RPS6KC1: variants seen among roughly 807,000 people sequenced by gnomAD.
RPS6KC1 encodes inactive ribosomal protein S6 kinase delta-1.
RPS6KC1 carries 54 observed loss-of-function variants against 103.8 expected under a neutral mutation model. The ratio of observed to expected loss-of-function variants is 0.52; its 90% CI spans 0.42 to 0.65. The LOEUF (loss-of-function observed/expected upper bound fraction) is 0.65. RPS6KC1 is among the 30% of genes least tolerant of loss of function. The pLI is 0.00. For missense variants in RPS6KC1, 1,151 were observed against 1,253.8 expected (o/e 0.92, Z 1.24); for synonymous variants, 439 against 438.7 (o/e 1.00, Z -0.01).
At chr1:213,829,268 CAAAAAAAAAAAA>C in the RPS6KC1 span, among the ~76,000 whole-genome samples, 1 of 114,378 alleles carries the variant, frequency 8.7e-6, no homozygotes, top group Non-Finnish European at 1.7e-5. Flanking sequence ...TCGTTTGTTT[CAAAAAAAAAAAA>C]AAAAAAAAGC....
chr1:213,054,478 C>T (rs1362818235), intron 1 of RPS6KC1, among the ~76,000 whole-genome samples: 1 of 152,120 alleles, frequency 6.6e-6, no homozygotes, highest in African/African-American at 2.4e-5. Flanking sequence ...GGATAATTAA[C>T]CAGGTAAATA....
chr1:213,409,900 C>T, the RPS6KC1 span, among the ~76,000 whole-genome samples: 146 of 152,318 alleles, frequency 9.6e-4, 1 homozygote, highest in African/African-American at 3.3e-3. Context: ...CAGTGGCTCA[C>T]GCCTGTAATC....
At chr1:213,331,753 A>G in the RPS6KC1 span, among the ~76,000 whole-genome samples, 1 of 152,180 alleles carries the variant, frequency 6.6e-6, no homozygotes, top group Non-Finnish European at 1.5e-5. Flanking sequence ...TGAAGAGGCC[A>G]GGGTCCTTTT....
At chr1:213,534,945 A>G in the RPS6KC1 span, among the ~76,000 whole-genome samples, 43 of 152,222 alleles carry the variant, frequency 2.8e-4, no homozygotes, top group African/African-American at 1.0e-3. Context: ...ATCATGGTTA[A>G]TCCTACGATT....
intron 8 of RPS6KC1, among the ~76,000 whole-genome samples, chr1:213,192,457 G>A (rs2092783253): frequency 6.6e-6 from 1 of 152,160 alleles, no homozygotes. Flanking sequence ...TAGGACTGGT[G>A]TTCTTTAAAT....
At chr1:213,096,982 T>C (rs569361173) in intron 3 of RPS6KC1, among the ~76,000 whole-genome samples, 3 of 152,330 alleles carry the variant, frequency 2.0e-5, no homozygotes, top group African/African-American at 7.2e-5. Flanking sequence ...TTGTGTTAGC[T>C]GGCATGAAAA....
the RPS6KC1 span, among the ~76,000 whole-genome samples, chr1:213,591,218 T>C: frequency 2.6e-5 from 4 of 151,574 alleles, no homozygotes; most frequent in Non-Finnish European, 4.4e-5. Context: ...CTGAGCATAT[T>C]CTTCTCTGCC....
chr1:213,754,805 G>A, the RPS6KC1 span, among the ~76,000 whole-genome samples: 14 of 152,146 alleles, frequency 9.2e-5, no homozygotes, highest in Admixed American at 9.2e-4. Flanking sequence ...CTATCCCATT[G>A]GGCATCAGGG....
At chr1:213,382,012 C>T in the RPS6KC1 span, among the ~76,000 whole-genome samples, 6 of 152,160 alleles carry the variant, frequency 3.9e-5, no homozygotes, top group African/African-American at 1.4e-4. Flanking sequence ...GGCACAGAGG[C>T]GAGTGTGCAC....
At chr1:213,693,571 T>C in the RPS6KC1 span, among the ~76,000 whole-genome samples, 2 of 152,150 alleles carry the variant, frequency 1.3e-5, no homozygotes, top group Admixed American at 6.5e-5. Context: ...GAAACAACAC[T>C]GAGTGGTCAC....
Position 213,272,549 on chromosome 1 carries a change from G to T in RPS6KC1, c.3116G>T (p.Arg1039Leu). 6.2e-7 allele frequency: 1 copy of T among 1,613,928 alleles called. No individual in the cohort carries two copies. The highest frequency in any genetic ancestry group is 1.1e-5 in the South Asian group (1 of 91,040). The change falls in exon 15 of 15, where the codon CGA becomes CTA. Residue 1039 changes from arginine (R) to leucine (L), a missense_variant. Coordinates refer to ENST00000366960, the MANE Select transcript of RPS6KC1 (RefSeq NM_012424.6). ...QQLLQFNPLE[R>L]LGAGVAGVED... ...CTCTTGCAGTTCAATCCTCTGGAAC[G>T]ACTTGGTGCTGGAGTTGCTGGTGTT...
At chr1:213,092,185 C>T (rs2081029733) in intron 3 of RPS6KC1, among the ~76,000 whole-genome samples, 1 of 151,920 alleles carries the variant, frequency 6.6e-6, no homozygotes, top group African/African-American at 2.4e-5. Context: ...CCTGAAAGGC[C>T]CTGCAGGGAT....
At chr1:213,110,962 G>A (rs962479546) in intron 4 of RPS6KC1, among the ~76,000 whole-genome samples, 1 of 145,012 alleles carries the variant, frequency 6.9e-6, no homozygotes, top group Admixed American at 6.9e-5. Flanking sequence ...TTTTTTTTCT[G>A]TGCTTCAATC....
the RPS6KC1 span, among the ~76,000 whole-genome samples, chr1:213,830,077 T>G: frequency 1.3e-5 from 2 of 152,202 alleles, no homozygotes; most frequent in African/African-American, 4.8e-5. Flanking sequence ...AATTAGAGAC[T>G]AATGAATTCA....
the RPS6KC1 span, among the ~76,000 whole-genome samples, chr1:213,372,236 C>T: frequency 5.3e-5 from 8 of 152,134 alleles, no homozygotes; most frequent in East Asian, 1.9e-4. Context: ...CCACTTGGGC[C>T]GCGGCCTCCA....
intron 14 of RPS6KC1, among the ~76,000 whole-genome samples, chr1:213,265,354 T>C (rs1408557090): frequency 6.6e-6 from 1 of 152,226 alleles, no homozygotes; most frequent in African/African-American, 2.4e-5. Flanking sequence ...AAAGTCAAAA[T>C]ATGAACCTTT....
intron 8 of RPS6KC1, among the ~76,000 whole-genome samples, chr1:213,188,848 A>T (rs552406492): frequency 2.8e-3 from 421 of 149,134 alleles, no homozygotes; most frequent in East Asian, 8.9e-3. Context: ...TTTTTTTTTT[A>T]AATGTAAATA....
At chr1:213,285,865 G>A in the RPS6KC1 span, among the ~76,000 whole-genome samples, 1 of 152,178 alleles carries the variant, frequency 6.6e-6, no homozygotes, top group African/African-American at 2.4e-5. Context: ...CACCATGTGA[G>A]GATGCAGCAA....
chr1:213,743,591 C>A, the RPS6KC1 span, among the ~76,000 whole-genome samples: 1 of 152,170 alleles, frequency 6.6e-6, no homozygotes, highest in Non-Finnish European at 1.5e-5. Context: ...CATTTGTTTC[C>A]TTGAAGCCTA....
Sources: gnomAD v4.1 joint callset for allele counts (sites outside exome capture counted in the v4.1 genomes callset) on GRCh38, gnomAD v4.1.1 for gene constraint, MANE v1.5 for transcripts, NCBI Gene and HGNC (gene_info 2026-07-23, HGNC 2026-07-21) for gene names.